The following NUP153 variants were observed in gnomAD, a reference collection of about 807,000 sequenced individuals.
The protein encoded by NUP153 is nuclear pore complex protein Nup153.
A neutral mutation model predicts 134.6 loss-of-function variants in NUP153; 27 were observed. The observed-to-expected ratio is 0.20, with a 90% CI of 0.15 to 0.28. The LOEUF (loss-of-function observed/expected upper bound fraction) is 0.28, where lower values mean the gene tolerates loss of function less well. NUP153 is among the 10% of genes least tolerant of loss of function. NUP153 has a pLI of 1.00. For missense variants in NUP153, 1,821 were observed against 1,731.3 expected, an observed-to-expected ratio of 1.05 and a Z score of -0.92; for synonymous variants, 640 against 623.5, an observed-to-expected ratio of 1.03 and a Z score of -0.40.
chr6:17,636,187 T>A (rs1765539956), intron 16 of NUP153, among the ~76,000 whole-genome samples: 1 of 151,976 alleles, frequency 6.6e-6, no homozygotes, highest in Admixed American at 6.6e-5. Context: ...TACAAAAAAT[T>A]AGTTGGGTGT....
At chr6:17,645,157 C>T (rs1323257866) in intron 14 of NUP153, among the ~76,000 whole-genome samples, 1 of 149,398 alleles carries the variant, frequency 6.7e-6, no homozygotes, top group South Asian at 2.1e-4. Flanking sequence ...CAGGAGAAAT[C>T]GTTTGAATTC....
intron 11 of NUP153, among the ~76,000 whole-genome samples, chr6:17,650,334 A>G (rs553934180): frequency 6.6e-6 from 1 of 152,268 alleles, no homozygotes; most frequent in African/African-American, 2.4e-5. Context: ...CAGCCAGAAA[A>G]GGAGGTGAGA....
At chr6:17,635,566 T>C (rs909121447) in intron 16 of NUP153, among the ~76,000 whole-genome samples, 1 of 152,110 alleles carries the variant, frequency 6.6e-6, no homozygotes, top group Middle Eastern at 3.2e-3. Flanking sequence ...CAAGCCAGGC[T>C]AATTTTTGTG....
At chr6:17,668,612 G>A (rs1422594613) in intron 8 of NUP153, among the ~76,000 whole-genome samples, 4 of 152,170 alleles carry the variant, frequency 2.6e-5, no homozygotes, top group Middle Eastern at 3.4e-3. Flanking sequence ...GGAGGCCACG[G>A]CAGGCAGATC....
At position 17,637,392 on chromosome 6, in the gene NUP153, C is replaced by T. The variant is rs902353828; in HGVS notation, c.2225G>A (p.Cys742Tyr). The change falls in exon 16 of 22, where the codon TGT (cysteine) becomes TAT (tyrosine). Residue 742 changes from cysteine to tyrosine, a missense_variant. Cys to Tyr is a radical substitution (Grantham distance 194, BLOSUM62 -2). Coordinates refer to ENST00000262077, the MANE Select transcript of NUP153 (RefSeq NM_005124.4). ...AGGTTTCGGTGTTTCACAGGCTACA[C>T]ATTTTATTGCTTCAGGTTTATTTTG... ...LVQNKPEAIK[C>Y]VACETPKPGT... The T allele has an allele frequency of 6.2e-7, 1 of 1,614,118 alleles. No homozygotes were observed. Among genetic ancestry groups the T allele is most frequent in the Non-Finnish European group, 8.5e-7 (1 of 1,180,056 alleles).
intron 17 of NUP153, among the ~76,000 whole-genome samples, chr6:17,631,265 G>T (rs529546278): frequency 6.6e-6 from 1 of 152,300 alleles, no homozygotes; most frequent in East Asian, 1.9e-4. Flanking sequence ...TGCAGGTGAT[G>T]GCTCACAATA....
chr6:17,662,527 TATA>T (rs1767252672), intron 9 of NUP153, among the ~76,000 whole-genome samples: 1 of 152,174 alleles, frequency 6.6e-6, no homozygotes, highest in African/African-American at 2.4e-5. Flanking sequence ...TGAATTATCT[TATA>T]ATATCAAAAA....
At chr6:17,685,990 TA>T (rs1005175118) in intron 2 of NUP153, among the ~76,000 whole-genome samples, 1 of 151,622 alleles carries the variant, frequency 6.6e-6, no homozygotes, top group Admixed American at 6.6e-5. Context: ...ACAAAAAAAT[TA>T]AAAAAAATTT....
chr6:17,667,585 G>A (rs1416898012), intron 8 of NUP153, among the ~76,000 whole-genome samples: 2 of 152,114 alleles, frequency 1.3e-5, no homozygotes, highest in African/African-American at 2.4e-5. Flanking sequence ...ATGGTGATAG[G>A]CGCCTGTAGT....
In NUP153 at chr6:17,680,001, C is replaced by CAGGT. The variant is rs952481140; in HGVS notation, c.335-4235_335-4232dup. ...ATGCTGCCTTGCGTACCCTACCCTG[C>CAGGT]AGGTGCTTTGCCCAGCCCAGCCTGC... On this transcript the variant is annotated intron_variant, in intron 2 of 21. Coordinates refer to ENST00000262077, the MANE Select transcript of NUP153 (RefSeq NM_005124.4). The surrounding 1 kb of genome is among the most constrained non-coding windows in gnomAD (Gnocchi z 4.5). Among the ~76,000 whole-genome samples the CAGGT allele has an allele frequency of 6.6e-6, 1 of 152,166 alleles. No individual in the cohort carries two copies. Among genetic ancestry groups the CAGGT allele is most frequent in the Non-Finnish European group, 1.5e-5 (1 of 68,036 alleles).
In NUP153 at chr6:17,628,910, C is replaced by G; in HGVS notation, c.3289G>C (p.Val1097Leu). 1 of 1,614,206 alleles carries G rather than the reference C, an allele frequency of 6.2e-7. No individual in the cohort carries two copies. The highest frequency in any genetic ancestry group is 8.5e-7 in the Non-Finnish European group (1 of 1,180,028). ...TCTTCTGTCCTTCCCAAAACAAACACTGAGGCAGATGGCAGAGAGGCAGGC... is the reference window on the plus strand; with the variant it reads ...TCTTCTGTCCTTCCCAAAACAAACAGTGAGGCAGATGGCAGAGAGGCAGGC... ...VEPASLPSASVFVLGRTEEKQ... is the reference protein window; with the variant it reads ...VEPASLPSASLFVLGRTEEKQ... The change falls in exon 18 of 22, where the codon GTG becomes CTG. Residue 1097 changes from valine to leucine, a missense_variant. Transcript: ENST00000262077. This position sits in a 1 kb window ranked among gnomAD's most constrained non-coding sequence, Gnocchi z 5.4.
At chr6:17,704,995 G>A (rs111779990) in intron 1 of NUP153, among the ~76,000 whole-genome samples, 1 of 152,162 alleles carries the variant, frequency 6.6e-6, no homozygotes, top group Non-Finnish European at 1.5e-5. Context: ...TGACCTCGGT[G>A]ATCCACCCGC....
intron 1 of NUP153, among the ~76,000 whole-genome samples, chr6:17,694,706 C>T (rs75138821): frequency 0.042 from 6,323 of 151,354 alleles, 396 homozygotes; most frequent in East Asian, 0.29. Context: ...GCTGGGGCCA[C>T]GGTGGCTTAC....
chr6:17,645,756 T>C (rs1320095526), intron 14 of NUP153, among the ~76,000 whole-genome samples: 2 of 152,198 alleles, frequency 1.3e-5, no homozygotes, highest in Non-Finnish European at 2.9e-5. Context: ...ATAAATTTCT[T>C]ATAATGAGAC....
At chr6:17,659,960 G>C (rs1436707382) in intron 11 of NUP153, among the ~76,000 whole-genome samples, 2 of 152,056 alleles carry the variant, frequency 1.3e-5, no homozygotes, top group East Asian at 3.9e-4. Flanking sequence ...GAGAAACAGA[G>C]ACTAAAGGAA....
Position 17,706,325 on chromosome 6 carries a change from G to A in NUP153, c.63C>T (p.Cys21=), listed in dbSNP as rs2150258558. The change falls in exon 1 of 22, where the codon TGC becomes TGT. Residue 21 remains cysteine, a synonymous_variant. Transcript: ENST00000262077. This position sits in a 1 kb window ranked among gnomAD's most constrained non-coding sequence, Gnocchi z 5.9. The stretch of plus-strand genomic sequence containing the variant: ...GGTAAGGCTTAATTGGCCCCTGGTG[G>A]CAACGCCGCGTCCGGATCTTGCCGC... The part of the protein sequence containing the change: ...GGGGKIRTRR[C]HQGPIKPYQQ... 1 of 1,613,628 alleles carries A rather than the reference G, an allele frequency of 6.2e-7. No individual in the cohort carries two copies. The highest frequency in any genetic ancestry group is 2.2e-5 in the East Asian group (1 of 44,840).
chr6:17,694,139 T>C (rs138936266), intron 1 of NUP153, among the ~76,000 whole-genome samples: 2 of 152,348 alleles, frequency 1.3e-5, no homozygotes, highest in East Asian at 1.9e-4. Context: ...TCTTCCTAAC[T>C]TAGAACATAA....
At chr6:17,700,027 C>G (rs4716175) in intron 1 of NUP153, among the ~76,000 whole-genome samples, 149,573 of 152,194 alleles carry the variant, frequency 0.98, 73,532 homozygotes, top group Middle Eastern at 1. Context: ...ACAAACAAAA[C>G]ACCTACTTTG....
At chr6:17,689,175 C>T (rs985197144) in intron 1 of NUP153, among the ~76,000 whole-genome samples, 4 of 151,914 alleles carry the variant, frequency 2.6e-5, no homozygotes, top group Non-Finnish European at 4.4e-5. Context: ...CACCTGAGGT[C>T]GGGAGTTCAA....
Sources: gnomAD v4.1 joint callset for allele counts (sites outside exome capture counted in the v4.1 genomes callset) on GRCh38, gnomAD v4.1.1 for gene constraint, Gnocchi (gnomAD v3.1) non-coding constraint, MANE v1.5 for transcripts, NCBI Gene and HGNC (gene_info 2026-07-23, HGNC 2026-07-21) for gene names.